Variants in RAD50 observed in about 807,000 individuals in gnomAD.
RAD50 encodes the protein DNA repair protein RAD50.
RAD50 carries 132 observed loss-of-function variants against 168.8 expected under a neutral mutation model. The ratio of observed to expected loss-of-function variants is 0.78; its 90% confidence interval spans 0.68 to 0.90. RAD50 has a LOEUF of 0.90. Ranked by LOEUF, RAD50 falls within the 40% of genes least tolerant of loss-of-function variation. The pLI, the probability that RAD50 is intolerant of heterozygous loss-of-function variation, is 0.00. For synonymous variants in RAD50, 525 were observed against 497.4 expected, an observed-to-expected ratio of 1.06 and a Z score of -0.74; for missense variants, 1,347 against 1,534.4, an observed-to-expected ratio of 0.88 and a Z score of 2.04.
At chr5:132,608,396 G>T (rs911164640) in intron 16 of RAD50, among the ~76,000 whole-genome samples, 1 of 152,174 alleles carries the variant, frequency 6.6e-6, no homozygotes, top group African/African-American at 2.4e-5. Context: ...TTTACTGGCT[G>T]TTGTGACCCT....
At chr5:132,615,429 T>C (rs1181831930) in intron 19 of RAD50, among the ~76,000 whole-genome samples, 3 of 152,128 alleles carry the variant, frequency 2.0e-5, no homozygotes, top group African/African-American at 7.2e-5. Flanking sequence ...AACCTAAAGG[T>C]AGAAGTTGCA....
In RAD50 at chr5:132,618,198, G is replaced by A. The variant is rs864622571; in HGVS notation, c.3293G>A (p.Arg1098Gln). The change falls in exon 21 of 25, where the codon CGG becomes CAG. Residue 1098 changes from arginine to glutamine, a missense_variant. Physicochemically the swap from Arg to Gln is conservative, Grantham distance 43. This residue lies in a region of RAD50 where 635 missense variants were observed against 739.2 expected (regional missense o/e 0.86). Transcript: ENST00000378823. ...FKKELREPQF[R>Q]DAEEKYREMM... is the part of the protein sequence containing the mutation. ...AAAGAACTTCGAGAACCACAATTTC[G>A]GGATGCTGAGGAAAAGTATAGAGAA... The A allele has an allele frequency of 1.1e-5, 18 of 1,613,756 alleles. No homozygotes were observed. Among genetic ancestry groups the A allele is most frequent in the African/African-American group, 2.7e-5 (2 of 74,870 alleles).
chr5:132,575,040 G>A (rs1393760981), intron 2 of RAD50, among the ~76,000 whole-genome samples: 2 of 152,132 alleles, frequency 1.3e-5, no homozygotes, highest in African/African-American at 4.8e-5. Context: ...CTGTTACCCA[G>A]TTCCAAAGTC....
rs114316656 is a variant in RAD50, at chr5:132,593,951, A to G, written c.1794-918A>G. Among the ~76,000 whole-genome samples the G allele has an allele frequency of 6.4e-3, 978 of 152,318 alleles. 5 individuals carry two copies. The highest frequency in any genetic ancestry group is 0.022 in the African/African-American group (935 of 41,564). ...AGGTGCCTTGGGAAAATAGTCTTCA[A>G]GGAGAAGGTCAACAGTGTTTGGTGC... is the stretch of plus-strand genomic sequence containing the variant. On this transcript the variant is annotated intron_variant, in intron 11 of 24. Coordinates refer to ENST00000378823, the MANE Select transcript of RAD50 (RefSeq NM_005732.4).
At chr5:132,639,270 T>G (rs1284508299) in intron 23 of RAD50, among the ~76,000 whole-genome samples, 1 of 151,134 alleles carries the variant, frequency 6.6e-6, no homozygotes, top group Non-Finnish European at 1.5e-5. Flanking sequence ...GGAGAATTGC[T>G]TGAACCTGGG....
intron 4 of RAD50, 171 bp downstream of exon 4, chr5:132,579,673 G>A (rs189840092): frequency 4.3e-5 from 36 of 831,562 alleles, no homozygotes; most frequent in East Asian, 2.9e-4. Flanking sequence ...CTTTCTGTGC[G>A]TATATTTATT....
chr5:132,595,732 A>G lies in RAD50; in HGVS notation c.2129A>G (p.Asp710Gly), dbSNP rs876660953. ...DLQSKLRLAP[D>G]KLKSTESELK... is the part of the protein sequence containing the mutation. ...CAGTCTAAACTGCGACTTGCTCCAG[A>G]TAAACTCAAGTCAACAGAATCAGAG... Residue 710 changes from aspartate (D) to glycine (G), a missense_variant, in exon 13 of 25, where the codon GAT becomes GGT. Coordinates refer to ENST00000378823, the MANE Select transcript of RAD50 (RefSeq NM_005732.4). 6.2e-7 allele frequency: 1 copy of G among 1,614,040 alleles called. No homozygotes were observed.
intron 2 of RAD50, 40 bp from the exon 3 acceptor site, chr5:132,575,737 A>G (rs748825073): frequency 3.9e-6 from 6 of 1,542,948 alleles, no homozygotes; most frequent in Non-Finnish European, 5.4e-6. Flanking sequence ...ACTGGTGCTT[A>G]TTAAAGTAAC....
intron 9 of RAD50, 59 bp from the exon 10 acceptor site, chr5:132,591,165 T>A (rs1351185757): frequency 6.7e-7 from 1 of 1,487,258 alleles, no homozygotes; most frequent in African/African-American, 1.4e-5. Flanking sequence ...ACTTTGTCAT[T>A]ATTTTAATTC....
chr5:132,600,710 G>A (rs1358732923), intron 13 of RAD50, among the ~76,000 whole-genome samples: 1 of 152,048 alleles, frequency 6.6e-6, no homozygotes, highest in African/African-American at 2.4e-5. Flanking sequence ...ATCTGTGTGA[G>A]CCTTTTTACA....
intron 2 of RAD50, among the ~76,000 whole-genome samples, chr5:132,568,334 C>T (rs549906634): frequency 5.3e-5 from 8 of 152,194 alleles, no homozygotes; most frequent in South Asian, 4.1e-4. Flanking sequence ...CCGCCTGCCT[C>T]GGCCTCCCAA....
At chr5:132,597,339 A>T (rs538844641) in intron 13 of RAD50, among the ~76,000 whole-genome samples, 1 of 152,180 alleles carries the variant, frequency 6.6e-6, no homozygotes, top group East Asian at 1.9e-4. Context: ...ATGCTGTTGC[A>T]TGATTGGTCT....
At chr5:132,608,533 CT>C (rs1322457846) in intron 16 of RAD50, 81 bp from the exon 17 acceptor site, 1 of 1,256,330 alleles carries the variant, frequency 8.0e-7, no homozygotes, top group African/African-American at 1.5e-5. Flanking sequence ...ATAGAAAGTG[CT>C]TTTATTAAGA....
chr5:132,626,941 C>T (rs1751381301), intron 21 of RAD50, among the ~76,000 whole-genome samples: 1 of 152,004 alleles, frequency 6.6e-6, no homozygotes, highest in East Asian at 1.9e-4. Context: ...AGTGCAGTGG[C>T]GTGATCTCTG....
Position 132,589,780 on chromosome 5 carries a change from G to T in RAD50, c.1395G>T (p.Gln465His). The T allele has an allele frequency of 1.2e-6, 2 of 1,613,786 alleles. No individual in the cohort carries two copies. Among genetic ancestry groups the T allele is most frequent in the Non-Finnish European group, 1.7e-6 (2 of 1,179,860 alleles). The change falls in exon 9 of 25, where the codon CAG becomes CAT. Residue 465 changes from glutamine to histidine, a missense_variant. By Grantham distance (24) the Gln-to-His change is conservative. Around this residue, in one of 3 missense-constraint regions of RAD50, gnomAD observed 703 missense variants for 767.7 expected, o/e 0.92. Coordinates refer to ENST00000378823, the MANE Select transcript of RAD50 (RefSeq NM_005732.4). The stretch of plus-strand genomic sequence containing the variant: ...TGAAAAATGTGAAGTATGAATTACA[G>T]CAGTTGGAAGGATCTTCAGACAGGA... Reference protein sequence around the residue: ...NELKNVKYELQQLEGSSDRIL... With the variant: ...NELKNVKYELHQLEGSSDRIL...
intron 19 of RAD50, among the ~76,000 whole-genome samples, chr5:132,612,582 C>G (rs1223105165): frequency 6.6e-6 from 1 of 152,090 alleles, no homozygotes; most frequent in Admixed American, 6.6e-5. Context: ...TGCCTGTAAT[C>G]CTAGCACTTT....
intron 13 of RAD50, among the ~76,000 whole-genome samples, chr5:132,602,983 A>C (rs2706376): frequency 0.069 from 10,468 of 152,276 alleles, 1,126 homozygotes; most frequent in African/African-American, 0.23. Context: ...GTGGATACTA[A>C]AATCAGTAGG....
intron 2 of RAD50, among the ~76,000 whole-genome samples, chr5:132,561,038 G>C (rs1192098597): frequency 6.6e-6 from 1 of 152,186 alleles, no homozygotes; most frequent in Non-Finnish European, 1.5e-5. Context: ...AGAGTGGTCA[G>C]TTTCTAATTC....
chr5:132,641,928 T>C, intron 24 of RAD50: 1 of 509,900 alleles, frequency 2.0e-6, no homozygotes, highest in East Asian at 3.2e-5. Flanking sequence ...CTAGTTCTTG[T>C]ATTCCTGTGA....
Sources: allele counts gnomAD v4.1 joint callset (sites outside exome capture counted in the v4.1 genomes callset), GRCh38; gene constraint gnomAD v4.1.1; regional missense constraint gnomAD v4.1.1; transcripts MANE v1.5; gene names NCBI Gene and HGNC (gene_info 2026-07-23, HGNC 2026-07-21).